Variants in MMRN1 observed in about 807,000 individuals in gnomAD.
MMRN1 encodes the protein multimerin-1.
A neutral mutation model predicts 100.7 loss-of-function variants in MMRN1; 94 were observed. The ratio of observed to expected loss-of-function variants is 0.93; its 90% CI spans 0.79 to 1.11. MMRN1 has a LOEUF of 1.11. MMRN1 is among the 50% of genes least tolerant of loss of function. MMRN1 has a pLI of 0.00. For synonymous variants in MMRN1, 575 were observed against 505.0 expected (o/e 1.14, Z -1.86); for missense variants, 1,606 against 1,439.1 (o/e 1.12, Z -1.88).
intron 6 of MMRN1, among the ~76,000 whole-genome samples, chr4:89,949,726 T>A (rs1723100962): frequency 6.6e-6 from 1 of 152,244 alleles, no homozygotes; most frequent in Admixed American, 6.5e-5. Flanking sequence ...TAATTCTGAT[T>A]AATTTCTCAT....
chr4:89,887,664 C>A (rs2110572113), intron 1 of MMRN1, among the ~76,000 whole-genome samples: 1 of 152,086 alleles, frequency 6.6e-6, no homozygotes, highest in Non-Finnish European at 1.5e-5. Flanking sequence ...TTTTAAACTA[C>A]ATTTTTGTTC....
intron 1 of MMRN1, among the ~76,000 whole-genome samples, chr4:89,886,046 A>ATTT (rs200498389): frequency 1.5e-3 from 201 of 135,500 alleles, no homozygotes; most frequent in African/African-American, 5.0e-3. Context: ...TGCCTGGCTA[A>ATTT]TTTTTTTTTT....
At chr4:89,919,350 T>C (rs934371953) in intron 3 of MMRN1, among the ~76,000 whole-genome samples, 1 of 151,550 alleles carries the variant, frequency 6.6e-6, no homozygotes, top group Non-Finnish European at 1.5e-5. Context: ...TTTCATAACA[T>C]TTTTTAATAT....
At chr4:89,944,381 A>G (rs1722923827) in intron 6 of MMRN1, among the ~76,000 whole-genome samples, 2 of 152,254 alleles carry the variant, frequency 1.3e-5, no homozygotes, top group Non-Finnish European at 2.9e-5. Context: ...TGAGCAACTT[A>G]TGAAAGGGCC....
At chr4:89,921,042 T>A (rs1244337131) in intron 3 of MMRN1, among the ~76,000 whole-genome samples, 1 of 152,148 alleles carries the variant, frequency 6.6e-6, no homozygotes, top group African/African-American at 2.4e-5. Context: ...CGAATAGTAA[T>A]CTTGTTTGTA....
In MMRN1 at chr4:89,895,073, C is replaced by A. The variant is rs1387676593; in HGVS notation, c.102C>A (p.Asn34Lys). 2 of 1,613,920 alleles carry A rather than the reference C, an allele frequency of 1.2e-6. No individual in the cohort carries two copies. The highest frequency in any genetic ancestry group is 3.3e-5 in the Admixed American group (2 of 59,990). Residue 34 changes from asparagine to lysine, a missense_variant, in exon 1 of 8, where the codon AAC becomes AAA. Asn to Lys is a moderately conservative substitution (Grantham distance 94). Transcript: ENST00000264790. ...CTTGGACTATACCTGAGGATGGGAA[C>A]TCTCAGAAGACTATGCCTTCTGCTT... is the stretch of plus-strand genomic sequence containing the variant. Reference protein sequence around the residue: ...KHSWTIPEDGNSQKTMPSASV... With the variant: ...KHSWTIPEDGKSQKTMPSASV...
In MMRN1 at chr4:89,895,094, T is replaced by G. The variant is rs767197303; in HGVS notation, c.123T>G (p.Ser41=). The change falls in exon 1 of 8, where the codon TCT becomes TCG. Residue 41 remains serine (S), a synonymous_variant. Coordinates refer to ENST00000264790, the MANE Select transcript of MMRN1 (RefSeq NM_007351.3). ...GGAACTCTCAGAAGACTATGCCTTC[T>G]GCTTCAGTTCCTCCAAATAAAATAC... The part of the protein sequence containing the change: ...EDGNSQKTMP[S]ASVPPNKIQS... 1.4e-5 allele frequency: 22 copies of G among 1,613,820 alleles called. No individual in the cohort carries two copies. The East Asian group carries it at 4.7e-4, about 34-fold the overall frequency.
chr4:89,894,751 A>G (rs754093218), upstream of MMRN1: 1 of 624,504 alleles, frequency 1.6e-6, no homozygotes, highest in Non-Finnish European at 2.5e-6. Context: ...CAGCACTTCC[A>G]TAGAGCCATC....
At position 89,925,912 on chromosome 4, in the gene MMRN1, C is replaced by T. The variant is rs539164479; in HGVS notation, c.956-1883C>T. On this transcript the variant is annotated intron_variant, in intron 4 of 7. Transcript: ENST00000264790. ...GCGATGCTTGTCTTTCTGTTCCTGG[C>T]TTATTTCCCTTAGCATAACGATCTC... is the stretch of plus-strand genomic sequence containing the variant. 3.3e-5 allele frequency among the ~76,000 whole-genome samples: 5 copies of T among 152,310 alleles called. No individual in the cohort carries two copies. The East Asian group carries it at 9.6e-4, about 29-fold the overall frequency.
intron 3 of MMRN1, among the ~76,000 whole-genome samples, chr4:89,918,211 G>A (rs1271967645): frequency 1.3e-5 from 2 of 150,560 alleles, no homozygotes; most frequent in Non-Finnish European, 3.0e-5. Context: ...TATATTTATA[G>A]AATACATGAA....
rs781728516 is a variant in MMRN1, at chr4:89,909,360, A to AC, written c.710dup (p.Cys238LeufsTer21). On this transcript the variant is annotated frameshift_variant, in exon 2 of 8. Coordinates refer to ENST00000264790, the MANE Select transcript of MMRN1 (RefSeq NM_007351.3). LOFTEE classifies it high-confidence loss of function. ...TCACTTATGTCCCAGGTGGGAAAGG[A>AC]CCTTGTGGCTGGACCGGTGGATCCT... 6.2e-7 allele frequency: 1 copy of AC among 1,610,100 alleles called. No individual in the cohort carries two copies. The highest frequency in any genetic ancestry group is 8.5e-7 in the Non-Finnish European group (1 of 1,177,510).
At chr4:89,886,668 C>T (rs773153826) in intron 1 of MMRN1, among the ~76,000 whole-genome samples, 26 of 152,118 alleles carry the variant, frequency 1.7e-4, no homozygotes, top group Middle Eastern at 3.4e-3. Context: ...ATCCATTTCT[C>T]CCTTTAATTC....
intron 4 of MMRN1, among the ~76,000 whole-genome samples, chr4:89,926,247 G>C (rs1177662549): frequency 6.6e-6 from 1 of 152,164 alleles, no homozygotes; most frequent in African/African-American, 2.4e-5. Context: ...CCTACCAACA[G>C]GGTATGGGGG....
Position 89,936,438 on chromosome 4 carries a change from C to T in MMRN1, c.2758C>T (p.Leu920Phe). The T allele has an allele frequency of 6.2e-7, 1 of 1,610,224 alleles. No individual in the cohort carries two copies. Residue 920 changes from leucine (L) to phenylalanine (F), a missense_variant, in exon 6 of 8, where the codon CTT (leucine) becomes TTT (phenylalanine). Leu to Phe is a conservative substitution (Grantham distance 22). Transcript: ENST00000264790. ...SIHLSINFFS[L>F]NKTLHEVLTM... is the part of the protein sequence containing the mutation. ...CCATCTTTCAATTAACTTCTTTTCGCTTAACAAAACTCTCCACGAAGTTTT... is the reference window on the plus strand; with the variant it reads ...CCATCTTTCAATTAACTTCTTTTCGTTTAACAAAACTCTCCACGAAGTTTT...
At chr4:89,902,625 T>C (rs979242299) in intron 1 of MMRN1, among the ~76,000 whole-genome samples, 1 of 151,916 alleles carries the variant, frequency 6.6e-6, no homozygotes, top group African/African-American at 2.4e-5. Context: ...CACTCTACAG[T>C]CATCTATCAT....
chr4:89,920,644 G>A (rs1034019095), intron 3 of MMRN1, among the ~76,000 whole-genome samples: 2 of 151,848 alleles, frequency 1.3e-5, no homozygotes, highest in Non-Finnish European at 2.9e-5. Flanking sequence ...CTGTTTAAAA[G>A]TCTATGAAGA....
chr4:89,890,895 AAT>A (rs1243148019), upstream of MMRN1, among the ~76,000 whole-genome samples: 1 of 151,858 alleles, frequency 6.6e-6, no homozygotes, highest in Non-Finnish European at 1.5e-5. Flanking sequence ...CTGATAAACT[AAT>A]ATGTTTCTCT....
rs757215230 is a variant in MMRN1 at position 89,952,993 on chromosome 4, A to T, written c.3266-4A>T. The T allele has an allele frequency of 1.2e-5, 19 of 1,554,802 alleles. No individual in the cohort carries two copies. Among genetic ancestry groups the T allele is most frequent in the Non-Finnish European group, 1.6e-5 (18 of 1,151,732 alleles). On this transcript the variant is annotated splice_polypyrimidine_tract_variant and splice_region_variant and intron_variant, in intron 7 of 7. Coordinates refer to ENST00000264790, the MANE Select transcript of MMRN1 (RefSeq NM_007351.3). ...TTAACTCTTGCCATTTTTTCCTCTA[A>T]CAGATTTTTCCAAAGGATCTTACAG...
chr4:89,942,357 T>TA (rs1255917553), intron 6 of MMRN1, among the ~76,000 whole-genome samples: 2 of 152,208 alleles, frequency 1.3e-5, no homozygotes, highest in African/African-American at 2.4e-5. Context: ...TCAATAGTAT[T>TA]ATTTTGTAAC....
Sources: gnomAD v4.1 joint callset for allele counts (sites outside exome capture counted in the v4.1 genomes callset) on GRCh38, gnomAD v4.1.1 for gene constraint, MANE v1.5 for transcripts, NCBI Gene and HGNC (gene_info 2026-07-23, HGNC 2026-07-21) for gene names.